FRMD3: variants seen among roughly 807,000 people sequenced by gnomAD.
The protein encoded by FRMD3 is FERM domain-containing protein 3.
A neutral mutation model predicts 70.2 loss-of-function variants in FRMD3; 33 were observed. The observed-to-expected ratio is 0.47, with a 90% CI of 0.36 to 0.63. The LOEUF is 0.63. Among genes scored for constraint, FRMD3 ranks in the 20% least tolerant of loss-of-function variants. The pLI is 0.00. For missense variants in FRMD3, 632 were observed against 711.4 expected, an observed-to-expected ratio of 0.89 and a Z score of 1.27; for synonymous variants, 279 against 255.9, an observed-to-expected ratio of 1.09 and a Z score of -0.86.
At chr9:83,261,102 GACAC>G (rs59345002) in intron 13 of FRMD3, among the ~76,000 whole-genome samples, 119 of 133,152 alleles carry the variant, frequency 8.9e-4, no homozygotes, top group African/African-American at 2.0e-3. Context: ...AGGAAACTTA[GACAC>G]ACACACACAC....
At chr9:83,329,246 C>G (rs1040263563) in intron 6 of FRMD3, among the ~76,000 whole-genome samples, 1 of 151,944 alleles carries the variant, frequency 6.6e-6, no homozygotes, top group African/African-American at 2.4e-5. Context: ...CAAATAGCAA[C>G]AAAAAATGCA....
At chr9:83,443,633 T>TATA (rs1232020952) in intron 1 of FRMD3, among the ~76,000 whole-genome samples, 2 of 152,242 alleles carry the variant, frequency 1.3e-5, no homozygotes, top group African/African-American at 2.4e-5. Context: ...TAGCATGATT[T>TATA]ATAATCCTTT....
At chr9:83,563,044 G>A in the FRMD3 span, among the ~76,000 whole-genome samples, 13 of 151,556 alleles carry the variant, frequency 8.6e-5, no homozygotes, top group East Asian at 2.1e-3. Flanking sequence ...AAACTGAGAC[G>A]CAAAGATACG....
intron 1 of FRMD3, among the ~76,000 whole-genome samples, chr9:83,390,873 A>G (rs574525683): frequency 3.3e-4 from 51 of 152,344 alleles, no homozygotes; most frequent in African/African-American, 1.1e-3. Context: ...AGTTTGGTCT[A>G]TGTTACATAA....
At chr9:83,528,378 A>G (rs1476344356) in intron 1 of FRMD3, among the ~76,000 whole-genome samples, 4 of 152,102 alleles carry the variant, frequency 2.6e-5, no homozygotes, top group Admixed American at 6.6e-5. Flanking sequence ...GTGAACATGC[A>G]GTGTTTTTTA....
intron 1 of FRMD3, among the ~76,000 whole-genome samples, chr9:83,402,898 C>CTTTTTTTTTTTTT (rs559570925): frequency 9.7e-4 from 85 of 87,282 alleles, no homozygotes; most frequent in African/African-American, 1.4e-3. Context: ...TTCTTTCTTT[C>CTTTTTTTTTTTTT]TTTTTTTTTT....
At chr9:83,491,823 T>C (rs1172179357) in intron 1 of FRMD3, among the ~76,000 whole-genome samples, 1 of 152,190 alleles carries the variant, frequency 6.6e-6, no homozygotes, top group Non-Finnish European at 1.5e-5. Context: ...GGAAAAGTTG[T>C]CCTACTCAAA....
At chr9:83,313,071 G>C (rs139960158) in intron 7 of FRMD3, among the ~76,000 whole-genome samples, 8 of 152,140 alleles carry the variant, frequency 5.3e-5, no homozygotes, top group Admixed American at 5.2e-4. Context: ...AAACATTTCT[G>C]GAAAATGTAT....
At chr9:83,450,090 C>T (rs116361328) in intron 1 of FRMD3, among the ~76,000 whole-genome samples, 1,925 of 99,658 alleles carry the variant, frequency 0.019, 47 homozygotes, top group African/African-American at 0.096. Context: ...GAAAAATAAC[C>T]AAGCCTGCGC....
At chr9:83,376,763 A>T (rs1165805179) in intron 2 of FRMD3, among the ~76,000 whole-genome samples, 1 of 152,008 alleles carries the variant, frequency 6.6e-6, no homozygotes, top group African/African-American at 2.4e-5. Context: ...TTTTGATATT[A>T]TATGTATATA....
intron 1 of FRMD3, among the ~76,000 whole-genome samples, chr9:83,426,692 G>A (rs753388769): frequency 1.5e-4 from 23 of 152,230 alleles, no homozygotes; most frequent in Non-Finnish European, 2.2e-4. Flanking sequence ...AGGGATGGTT[G>A]CACATTCCCA....
downstream of FRMD3, among the ~76,000 whole-genome samples, chr9:83,243,989 G>A (rs1831965835): frequency 6.6e-6 from 1 of 152,120 alleles, no homozygotes; most frequent in Non-Finnish European, 1.5e-5. Context: ...TTAGCTGGAT[G>A]TGGTGGTGCA....
intron 13 of FRMD3, among the ~76,000 whole-genome samples, chr9:83,261,157 C>A (rs758867511): frequency 6.1e-5 from 8 of 130,612 alleles, no homozygotes; most frequent in Non-Finnish European, 1.2e-4. Context: ...TCCTAATACT[C>A]TCCCATCGCT....
chr9:83,475,362 A>G (rs1163643659), intron 1 of FRMD3, among the ~76,000 whole-genome samples: 2 of 152,316 alleles, frequency 1.3e-5, no homozygotes, highest in Admixed American at 1.3e-4. Context: ...TAAGAATGCT[A>G]TAGATGGGTT....
At chr9:83,565,681 T>G in the FRMD3 span, among the ~76,000 whole-genome samples, 1 of 152,226 alleles carries the variant, frequency 6.6e-6, no homozygotes, top group Non-Finnish European at 1.5e-5. Context: ...TCAAATACAC[T>G]GATTAGTAAT....
intron 6 of FRMD3, among the ~76,000 whole-genome samples, chr9:83,321,227 G>A (rs1376418326): frequency 5.3e-5 from 8 of 152,066 alleles, no homozygotes; most frequent in Non-Finnish European, 1.5e-5. Flanking sequence ...TGCTAAGTGT[G>A]TGTTTAGTTT....
At chr9:83,517,560 G>A (rs1829482475) in intron 1 of FRMD3, among the ~76,000 whole-genome samples, 1 of 148,344 alleles carries the variant, frequency 6.7e-6, no homozygotes. Flanking sequence ...TCTACCAGAG[G>A]TACAAAAAGC....
chr9:83,543,735 A>G, the FRMD3 span, among the ~76,000 whole-genome samples: 1 of 152,132 alleles, frequency 6.6e-6, no homozygotes, highest in Non-Finnish European at 1.5e-5. Flanking sequence ...GACAAAAGAA[A>G]CCATAGAGTG....
chr9:83,490,533 C>T (rs1348771804), intron 1 of FRMD3, among the ~76,000 whole-genome samples: 1 of 152,018 alleles, frequency 6.6e-6, no homozygotes, highest in Non-Finnish European at 1.5e-5. Flanking sequence ...CTGCCCACCT[C>T]GGCCTCCCAA....
Sources: gnomAD v4.1 joint callset for allele counts (sites outside exome capture counted in the v4.1 genomes callset) on GRCh38, gnomAD v4.1.1 for gene constraint, MANE v1.5 for transcripts, NCBI Gene and HGNC (gene_info 2026-07-23, HGNC 2026-07-21) for gene names.